The following TTLL6 variants were observed in gnomAD, a reference collection of about 807,000 sequenced individuals.
TTLL6 encodes the protein tubulin tyrosine ligase like 6, also known as tubulin polyglutamylase TTLL6.
In TTLL6, 75 loss-of-function variants were observed where a neutral mutation model predicts 96.4. The ratio of observed to expected loss-of-function variants is 0.78; its 90% CI spans 0.65 to 0.94. The LOEUF (loss-of-function observed/expected upper bound fraction) is 0.94. TTLL6 is among the 40% of genes least tolerant of loss of function. The pLI, the probability that TTLL6 is intolerant of heterozygous loss-of-function variation, is 0.00. For synonymous variants in TTLL6, 411 were observed against 419.4 expected (o/e 0.98, Z 0.24); for missense variants, 1,030 against 1,093.0 (o/e 0.94, Z 0.81).
intron 13 of TTLL6, among the ~76,000 whole-genome samples, chr17:48,770,528 A>ATTATTATTATTATTC (rs1290672789): frequency 6.6e-6 from 1 of 151,194 alleles, no homozygotes; most frequent in African/African-American, 2.4e-5. Flanking sequence ...TATTATTATT[A>ATTATTATTATTATTC]TTATTTGAGA....
chr17:48,808,892 AC>A (rs2039542662), intron 1 of TTLL6, among the ~76,000 whole-genome samples: 3 of 152,038 alleles, frequency 2.0e-5, no homozygotes, highest in Admixed American at 2.0e-4. Flanking sequence ...ATTCTAGACA[AC>A]TTTTATACCC....
At chr17:48,811,281 G>A (rs922004653) in intron 1 of TTLL6, among the ~76,000 whole-genome samples, 2 of 151,722 alleles carry the variant, frequency 1.3e-5, no homozygotes, top group African/African-American at 4.8e-5. Context: ...TATTGGTCAG[G>A]CTGGTCTCAA....
At chr17:48,770,157 A>AT (rs1005958211) in intron 13 of TTLL6, 60 bp from the exon 14 acceptor site, 933 of 1,426,266 alleles carry the variant, frequency 6.5e-4, no homozygotes, top group African/African-American at 1.2e-3. Flanking sequence ...TTCCTATGCT[A>AT]TTTTTTTTTT....
Position 48,817,014 on chromosome 17 carries a change from C to T in TTLL6, c.59G>A (p.Trp20Ter), listed in dbSNP as rs1178175925. 1 of 1,544,740 alleles carries T rather than the reference C, an allele frequency of 6.5e-7. No individual in the cohort carries two copies. The highest frequency in any genetic ancestry group is 8.7e-7 in the Non-Finnish European group (1 of 1,145,984). Residue 20 changes from tryptophan (W) to a stop codon, truncating the protein, a stop_gained, in exon 1 of 16, where the codon TGG becomes TAG. Transcript: ENST00000393382. LOFTEE classifies it high-confidence loss of function. ...GTCTCGCCCCGCTGGGCTGCTAGTC[C>T]AGCTTGCAACCACACCTGCCGGCCC... ...RRGPAGVVAS[W>*]TSSPAGRDGG...
chr17:48,804,743 C>T, intron 2 of TTLL6, 29 bp downstream of exon 2: 2 of 1,540,862 alleles, frequency 1.3e-6, no homozygotes, highest in Non-Finnish European at 1.8e-6. Flanking sequence ...ACCAACATGG[C>T]TCCCCATTCC....
chr17:48,805,230 C>T (rs543892300), intron 1 of TTLL6, among the ~76,000 whole-genome samples: 8 of 152,330 alleles, frequency 5.3e-5, no homozygotes, highest in African/African-American at 2.4e-5. Flanking sequence ...TTTTTCCCTC[C>T]TGGGATTTTC....
intron 8 of TTLL6, among the ~76,000 whole-genome samples, chr17:48,793,412 G>A (rs1255997003): frequency 6.6e-6 from 1 of 152,108 alleles, no homozygotes; most frequent in African/African-American, 2.4e-5. Flanking sequence ...GATGGCTGAT[G>A]TTGACCATGA....
At chr17:48,815,070 G>A (rs1160970062) in intron 1 of TTLL6, among the ~76,000 whole-genome samples, 1 of 152,094 alleles carries the variant, frequency 6.6e-6, no homozygotes, top group Non-Finnish European at 1.5e-5. Context: ...GAGCCACCGC[G>A]CCCAGCAGTT....
In TTLL6 at chr17:48,806,272, C is replaced by CA. The variant is rs540668666; in HGVS notation, c.104-1282dup. On this transcript the variant is annotated intron_variant, in intron 1 of 15. Transcript: ENST00000393382. Reference sequence around the variant, plus strand: ...TGGGCCATAGAGCGAGACTCCATCTCAAAAAAAAAAAAAGAAATGTCAAAT... The same window carrying CA: ...TGGGCCATAGAGCGAGACTCCATCTCAAAAAAAAAAAAAAGAAATGTCAAAT... 2.3e-3 allele frequency: 311 copies of CA among 133,162 alleles called. 1 individual carries two copies. The highest frequency in any genetic ancestry group is 6.7e-3 in the South Asian group (28 of 4,188). 8.2% of individuals were successfully genotyped at this position (133,162 alleles called of 1,614,324 possible).
chr17:48,786,137 C>T (rs1259105406), intron 12 of TTLL6, 27 bp downstream of exon 12: 7 of 1,613,658 alleles, frequency 4.3e-6, no homozygotes, highest in East Asian at 2.2e-5. Context: ...GGTGTGGCTA[C>T]GTGTGTTCCC....
chr17:48,791,064 T>G (rs1024176734), intron 9 of TTLL6, among the ~76,000 whole-genome samples: 2 of 152,148 alleles, frequency 1.3e-5, no homozygotes, highest in Non-Finnish European at 2.9e-5. Context: ...CCAGCTTTGA[T>G]GAAAAACGCC....
At chr17:48,803,765 G>T in intron 3 of TTLL6, 126 bp downstream of exon 3, 2 of 953,746 alleles carry the variant, frequency 2.1e-6, no homozygotes, top group Non-Finnish European at 3.2e-6. Flanking sequence ...TGAGCTAGGA[G>T]AACTGAAGGA....
intron 13 of TTLL6, 106 bp from the exon 14 acceptor site, chr17:48,770,203 C>T: frequency 7.0e-7 from 1 of 1,434,670 alleles, no homozygotes; most frequent in Non-Finnish European, 9.2e-7. Flanking sequence ...TGCTATGCTG[C>T]CCAGGCTGGC....
Position 48,805,771 on chromosome 17 carries a change from G to C in TTLL6, c.104-780C>G, listed in dbSNP as rs557862298. On this transcript the variant is annotated intron_variant, in intron 1 of 15. Coordinates refer to ENST00000393382, the MANE Select transcript of TTLL6 (RefSeq NM_001130918.3). ...GCAGATCATTTGAGGTCAGACGTTT[G>C]AGACCAGCCTGGCCAACATGGTGAA... 9.9e-5 allele frequency among the ~76,000 whole-genome samples: 15 copies of C among 152,178 alleles called. 1 individual carries two copies. In the South Asian group the frequency reaches 2.3e-3, roughly 23 times the overall value.
intron 13 of TTLL6, among the ~76,000 whole-genome samples, chr17:48,777,401 C>A (rs941674732): frequency 6.6e-6 from 1 of 152,000 alleles, no homozygotes; most frequent in African/African-American, 2.4e-5. Context: ...TCGAGACCAG[C>A]CTGACCAATA....
chr17:48,775,664 C>T (rs2038855596), intron 13 of TTLL6, among the ~76,000 whole-genome samples: 2 of 152,010 alleles, frequency 1.3e-5, no homozygotes, highest in African/African-American at 2.4e-5. Flanking sequence ...GACCCACCCT[C>T]CTGAGTAGCT....
At chr17:48,774,597 A>T (rs2038835247) in intron 13 of TTLL6, among the ~76,000 whole-genome samples, 1 of 152,160 alleles carries the variant, frequency 6.6e-6, no homozygotes, top group Non-Finnish European at 1.5e-5. Flanking sequence ...CTCTACAGAC[A>T]TTAAAATGAA....
At chr17:48,775,469 T>C (rs1052749181) in intron 13 of TTLL6, among the ~76,000 whole-genome samples, 4 of 151,356 alleles carry the variant, frequency 2.6e-5, no homozygotes, top group Admixed American at 2.6e-4. Context: ...AAAATCCATA[T>C]GATTATATCA....
chr17:48,770,955 A>G (rs2038731516), intron 13 of TTLL6, among the ~76,000 whole-genome samples: 1 of 152,066 alleles, frequency 6.6e-6, no homozygotes, highest in South Asian at 2.1e-4. Context: ...ACAACCAAAC[A>G]AACAAACAAA....
Sources: gnomAD v4.1 joint callset for allele counts (sites outside exome capture counted in the v4.1 genomes callset) on GRCh38, gnomAD v4.1.1 for gene constraint, MANE v1.5 for transcripts, NCBI Gene and HGNC (gene_info 2026-07-23, HGNC 2026-07-21) for gene names.